Variants in LMO7 observed in about 807,000 individuals in gnomAD.
The protein encoded by LMO7 is LIM domain only protein 7.
Under a neutral mutation model 206.5 loss-of-function variants are expected in LMO7, and 120 were observed. The ratio of observed to expected loss-of-function variants is 0.58; its 90% CI spans 0.50 to 0.68. The LOEUF is 0.68. Ranked by LOEUF, LMO7 falls within the 30% of genes least tolerant of loss-of-function variation. The pLI, the probability that LMO7 is intolerant of heterozygous loss-of-function variation, is 0.00. For synonymous variants in LMO7, 706 were observed against 681.5 expected (o/e 1.04, Z -0.56); for missense variants, 1,959 against 1,957.9 (o/e 1.00, Z -0.01).
intron 6 of LMO7, among the ~76,000 whole-genome samples, chr13:75,799,191 T>C (rs2054419298): frequency 1.3e-5 from 2 of 152,200 alleles, no homozygotes; most frequent in Non-Finnish European, 2.9e-5. Flanking sequence ...TGTCAAACAA[T>C]TGAATCATGA....
intron 1 of LMO7, chr13:75,621,895 A>T: frequency 6.6e-7 from 1 of 1,514,576 alleles, no homozygotes; most frequent in Non-Finnish European, 8.9e-7. Context: ...GAATACTTTT[A>T]TATTATTACT....
At chr13:75,787,218 C>T (rs779266813) in intron 4 of LMO7, among the ~76,000 whole-genome samples, 6 of 152,064 alleles carry the variant, frequency 3.9e-5, no homozygotes, top group African/African-American at 1.4e-4. Flanking sequence ...TGTGGTTTAC[C>T]GTCTAATGGG....
At chr13:75,729,071 G>A (rs1470116173) in intron 3 of LMO7, among the ~76,000 whole-genome samples, 1 of 152,042 alleles carries the variant, frequency 6.6e-6, no homozygotes, top group Non-Finnish European at 1.5e-5. Flanking sequence ...GATGCCTCCA[G>A]CTTTGTTCTT....
At chr13:75,741,243 A>G (rs988867142) in intron 3 of LMO7, among the ~76,000 whole-genome samples, 12 of 152,214 alleles carry the variant, frequency 7.9e-5, no homozygotes, top group African/African-American at 2.7e-4. Flanking sequence ...TAGTTTGTCA[A>G]TCTCATCAAT....
At chr13:75,647,916 T>C (rs1012187714) in intron 1 of LMO7, among the ~76,000 whole-genome samples, 2 of 150,372 alleles carry the variant, frequency 1.3e-5, no homozygotes, top group Non-Finnish European at 3.0e-5. Flanking sequence ...GATCTGATTT[T>C]GTCCAAACTG....
At chr13:75,790,220 C>T (rs1452115644) in intron 4 of LMO7, among the ~76,000 whole-genome samples, 1 of 152,130 alleles carries the variant, frequency 6.6e-6, no homozygotes, top group Non-Finnish European at 1.5e-5. Flanking sequence ...GACTGTCCTC[C>T]AGCCACTGCC....
intron 1 of LMO7, among the ~76,000 whole-genome samples, chr13:75,638,832 C>T (rs997669694): frequency 6.6e-6 from 1 of 152,078 alleles, no homozygotes; most frequent in Non-Finnish European, 1.5e-5. Flanking sequence ...ATCACAACCT[C>T]TTTAAGAACC....
At chr13:75,804,571 C>A in intron 8 of LMO7, 30 bp downstream of exon 8, 1 of 1,597,376 alleles carries the variant, frequency 6.3e-7, no homozygotes, top group South Asian at 1.1e-5. Context: ...TATTGAGTTT[C>A]GTATGCTTTT....
intron 4 of LMO7, among the ~76,000 whole-genome samples, chr13:75,785,174 T>C (rs2052213488): frequency 6.6e-6 from 1 of 152,148 alleles, no homozygotes; most frequent in Non-Finnish European, 1.5e-5. Context: ...AAATGAGTTA[T>C]AGTTCAGGAT....
intron 1 of LMO7, among the ~76,000 whole-genome samples, chr13:75,649,271 T>A (rs532725500): frequency 3.3e-4 from 50 of 152,294 alleles, no homozygotes; most frequent in African/African-American, 1.2e-3. Context: ...AATGACCATA[T>A]TGCATATCAG....
At chr13:75,781,425 A>G (rs879644429) in intron 4 of LMO7, among the ~76,000 whole-genome samples, 5 of 150,194 alleles carry the variant, frequency 3.3e-5, no homozygotes, top group South Asian at 2.1e-4. Flanking sequence ...ATGATTTCCA[A>G]TTTCATCCAT....
chr13:75,790,879 T>A (rs1193590902), intron 4 of LMO7, among the ~76,000 whole-genome samples: 2 of 152,204 alleles, frequency 1.3e-5, no homozygotes, highest in Non-Finnish European at 2.9e-5. Flanking sequence ...TCTTGAATAT[T>A]AAACATGTAA....
At chr13:75,743,980 G>T (rs771174391) in intron 3 of LMO7, among the ~76,000 whole-genome samples, 65 of 152,168 alleles carry the variant, frequency 4.3e-4, no homozygotes, top group Non-Finnish European at 8.7e-4. Flanking sequence ...GACATAGTTT[G>T]AGGTTATCCA....
intron 4 of LMO7, among the ~76,000 whole-genome samples, chr13:75,775,414 G>A (rs925558531): frequency 1.3e-5 from 2 of 151,858 alleles, no homozygotes; most frequent in African/African-American, 4.8e-5. Context: ...AATTTATGAC[G>A]AAGTCCTTAA....
intron 1 of LMO7, among the ~76,000 whole-genome samples, chr13:75,696,981 T>C (rs2139692014): frequency 6.6e-6 from 1 of 152,252 alleles, no homozygotes; most frequent in Middle Eastern, 3.4e-3. Flanking sequence ...ATCCACATTT[T>C]TGATCTTTCC....
At chr13:75,801,641 T>A (rs1342920725) in intron 7 of LMO7, among the ~76,000 whole-genome samples, 1 of 152,226 alleles carries the variant, frequency 6.6e-6, no homozygotes, top group Non-Finnish European at 1.5e-5. Context: ...AGTGTACATC[T>A]CCAGCTATTC....
Position 75,853,249 on chromosome 13 carries a change from C to A in LMO7, c.4522C>A (p.Arg1508=), listed in dbSNP as rs141386159. The change falls in exon 28 of 31, where the codon CGG becomes AGG. Residue 1508 remains arginine, a synonymous_variant. Coordinates refer to ENST00000377534, the MANE Select transcript of LMO7 (RefSeq NM_001306080.2). The stretch of plus-strand genomic sequence containing the variant: ...GTCCACATCAAACCGTGCCTACATG[C>A]GGAACCCCTCCTCCAGCGTGCCCCC... ...LVSTSNRAYM[R]NPSSSVPPPS... is the part of the protein sequence containing the mutation. 4.3e-6 allele frequency: 7 copies of A among 1,614,110 alleles called. No homozygotes were observed. The South Asian group carries it at 6.6e-5, about 15-fold the overall frequency.
At chr13:75,786,803 C>T (rs553668530) in intron 4 of LMO7, among the ~76,000 whole-genome samples, 2 of 152,232 alleles carry the variant, frequency 1.3e-5, no homozygotes, top group South Asian at 2.1e-4. Flanking sequence ...TCATCTTATT[C>T]GAATGTCTAA....
intron 1 of LMO7, among the ~76,000 whole-genome samples, chr13:75,696,270 G>A (rs2041895544): frequency 6.6e-6 from 1 of 152,156 alleles, no homozygotes; most frequent in East Asian, 1.9e-4. Context: ...CAGGAGAATG[G>A]CTTGAACCTG....
Sources: allele counts gnomAD v4.1 joint callset (sites outside exome capture counted in the v4.1 genomes callset), GRCh38; gene constraint gnomAD v4.1.1; transcripts MANE v1.5; gene names NCBI Gene and HGNC (gene_info 2026-07-23, HGNC 2026-07-21).